The following CHN2 variants were observed in gnomAD, a reference collection of about 807,000 sequenced individuals.
The protein encoded by CHN2 is chimerin 2.
In CHN2, 35 loss-of-function variants were observed where a neutral mutation model predicts 56.3. That is an observed-to-expected ratio of 0.62 (90% CI 0.47 to 0.82). CHN2 has a LOEUF of 0.82. Among genes scored for constraint, CHN2 ranks in the 40% least tolerant of loss-of-function variants. The probability of loss-of-function intolerance (pLI) is 0.00; values close to 1 mark genes in which losing one functional copy is unlikely to be tolerated. For synonymous variants in CHN2, 210 were observed against 212.8 expected (o/e 0.99, Z 0.12); for missense variants, 491 against 580.5 (o/e 0.85, Z 1.58).
intron 1 of CHN2, among the ~76,000 whole-genome samples, chr7:29,245,864 C>T (rs905725345): frequency 6.6e-6 from 1 of 152,216 alleles, no homozygotes; most frequent in Non-Finnish European, 1.5e-5. Context: ...TGTGGAATTG[C>T]TTCCCATGCT....
At chr7:29,223,529 A>G (rs1189099814) in intron 1 of CHN2, among the ~76,000 whole-genome samples, 1 of 152,014 alleles carries the variant, frequency 6.6e-6, no homozygotes, top group Non-Finnish European at 1.5e-5. Flanking sequence ...ACTTATGTAC[A>G]CTTTCATATT....
upstream of CHN2, chr7:29,193,837 G>T (rs1337737905): frequency 6.6e-6 from 1 of 152,202 alleles, no homozygotes; most frequent in Non-Finnish European, 1.5e-5. Flanking sequence ...CCAGCTTTGT[G>T]TGGGCCTGAT....
In CHN2 at chr7:29,212,938, T is replaced by C. The variant is rs1167726182; in HGVS notation, c.49+17948T>C. The C allele has an allele frequency of 2.6e-6, 4 of 1,542,546 alleles. No individual in the cohort carries two copies. The African/African-American group carries it at 5.6e-5, about 21-fold the overall frequency. On this transcript the variant is annotated intron_variant, in intron 1 of 12. Transcript: ENST00000222792. ...CTGGAGCAACCAGACCCAGAACATCTAGTGCTGGAGCAACCACTCCTGGAA... is the reference window on the plus strand; with the variant it reads ...CTGGAGCAACCAGACCCAGAACATCCAGTGCTGGAGCAACCACTCCTGGAA...
intron 5 of CHN2, 45 bp from the exon 6 acceptor site, chr7:29,400,498 G>A (rs1469128396): frequency 6.3e-7 from 1 of 1,583,896 alleles, no homozygotes; most frequent in Non-Finnish European, 8.6e-7. Flanking sequence ...TCCACACTGT[G>A]CTTATTTCTA....
chr7:29,159,096 G>A (rs951857834), intron 2 of CHN2, among the ~76,000 whole-genome samples: 3 of 152,214 alleles, frequency 2.0e-5, no homozygotes, highest in Non-Finnish European at 4.4e-5. Flanking sequence ...GCTCTTCAGT[G>A]TTTTCCTAAT....
chr7:29,302,507 T>A (rs929252956), intron 1 of CHN2, among the ~76,000 whole-genome samples: 8 of 148,558 alleles, frequency 5.4e-5, no homozygotes. Flanking sequence ...ATTCTTTTTT[T>A]TTTTTTTTTT....
chr7:29,363,237 G>C (rs936984389), intron 2 of CHN2, among the ~76,000 whole-genome samples: 4 of 152,212 alleles, frequency 2.6e-5, no homozygotes, highest in Non-Finnish European at 5.9e-5. Flanking sequence ...TCTAATCCCA[G>C]TGCTTTGGGA....
At chr7:29,393,986 G>A (rs1037603921) in intron 4 of CHN2, among the ~76,000 whole-genome samples, 3 of 152,172 alleles carry the variant, frequency 2.0e-5, no homozygotes, top group African/African-American at 4.8e-5. Context: ...ACGGAAGGCA[G>A]CATTTTTCAT....
chr7:29,166,375 T>C (rs1189469990), intron 2 of CHN2, among the ~76,000 whole-genome samples: 1 of 152,196 alleles, frequency 6.6e-6, no homozygotes, highest in Non-Finnish European at 1.5e-5. Flanking sequence ...TGAAGTTTTG[T>C]GTAGAATTGA....
At chr7:29,485,695 G>A (rs1189176376) in intron 7 of CHN2, among the ~76,000 whole-genome samples, 2 of 152,180 alleles carry the variant, frequency 1.3e-5, no homozygotes, top group Non-Finnish European at 2.9e-5. Flanking sequence ...AGGTGCAGGG[G>A]AGAGACCTCG....
Position 29,474,464 on chromosome 7 carries a change from C to CT in CHN2, c.577-5806dup, listed in dbSNP as rs61463570. ...TTCCCGGCTTTTGATCCATCTCCAACTTTTTTTTTCCAGACACAGGCCAGT... is the reference window on the plus strand; with the variant it reads ...TTCCCGGCTTTTGATCCATCTCCAACTTTTTTTTTTCCAGACACAGGCCAGT... On this transcript the variant is annotated intron_variant, in intron 6 of 12. Transcript: ENST00000222792. Among the ~76,000 whole-genome samples, 517 of 151,846 alleles carry CT rather than the reference C, an allele frequency of 3.4e-3. 3 individuals are homozygous for CT. The highest frequency in any genetic ancestry group is 0.012 in the African/African-American group (492 of 41,428).
At chr7:29,243,219 CA>C (rs893722648) in intron 1 of CHN2, among the ~76,000 whole-genome samples, 5 of 151,842 alleles carry the variant, frequency 3.3e-5, no homozygotes, top group Admixed American at 1.3e-4. Flanking sequence ...ACTCCAAGAA[CA>C]AAAAAAGCAA....
intron 9 of CHN2, 114 bp downstream of exon 9, chr7:29,500,154 C>T (rs940676021): frequency 2.2e-5 from 15 of 672,484 alleles, no homozygotes; most frequent in South Asian, 8.1e-5. Context: ...AAATGACCTA[C>T]GCATGTGTGC....
At chr7:29,363,749 G>T (rs756924707) in intron 2 of CHN2, among the ~76,000 whole-genome samples, 2 of 152,146 alleles carry the variant, frequency 1.3e-5, no homozygotes, top group Non-Finnish European at 2.9e-5. Flanking sequence ...GTCAGGGAAG[G>T]CCTCCCTGAT....
intron 1 of CHN2, among the ~76,000 whole-genome samples, chr7:29,352,704 T>A (rs929438911): frequency 2.0e-5 from 3 of 152,030 alleles, no homozygotes; most frequent in African/African-American, 7.2e-5. Context: ...GCCTGGGTGA[T>A]AGAGTGGGAC....
intron 1 of CHN2, among the ~76,000 whole-genome samples, chr7:29,283,342 G>T (rs1791879810): frequency 6.6e-6 from 1 of 152,170 alleles, no homozygotes; most frequent in Non-Finnish European, 1.5e-5. Context: ...GGAAAAGCTA[G>T]GTTTGATTCG....
At chr7:29,510,378 G>T (rs1279873961) in intron 12 of CHN2, among the ~76,000 whole-genome samples, 3 of 152,130 alleles carry the variant, frequency 2.0e-5, no homozygotes, top group Non-Finnish European at 4.4e-5. Context: ...GACGAAGGCT[G>T]CAGTGAGCGA....
Position 29,400,594 on chromosome 7 carries a change from T to G in CHN2, c.342T>G (p.Phe114Leu). 1 of 1,614,184 alleles carries G rather than the reference T, an allele frequency of 6.2e-7. No individual in the cohort carries two copies. The highest frequency in any genetic ancestry group is 8.5e-7 in the Non-Finnish European group (1 of 1,180,038). Residue 114 changes from phenylalanine (F) to leucine (L), a missense_variant, in exon 6 of 13, where the codon TTT becomes TTG. By Grantham distance (22) the Phe-to-Leu change is conservative. Transcript: ENST00000222792. The stretch of plus-strand genomic sequence containing the variant: ...GGCTCTTCCACGACGGGAAACACTT[T>G]GTGGGTGAGAAGAGGTTTGAGTCGA... ...NYRLFHDGKH[F>L]VGEKRFESIH...
chr7:29,207,123 T>G (rs1482151699), intron 1 of CHN2, among the ~76,000 whole-genome samples: 1 of 152,228 alleles, frequency 6.6e-6, no homozygotes, highest in Non-Finnish European at 1.5e-5. Flanking sequence ...TATAGCTCAA[T>G]AAAGCCATTA....
Sources: allele counts gnomAD v4.1 joint callset (sites outside exome capture counted in the v4.1 genomes callset), GRCh38; gene constraint gnomAD v4.1.1; transcripts MANE v1.5; gene names NCBI Gene and HGNC (gene_info 2026-07-23, HGNC 2026-07-21).